The following KANSL1 variants were observed in gnomAD, a reference collection of about 807,000 sequenced individuals.
The protein encoded by KANSL1 is KAT8 regulatory NSL complex subunit 1.
A neutral mutation model predicts 103.6 loss-of-function variants in KANSL1; 22 were observed. The ratio of observed to expected loss-of-function variants is 0.21; its 90% CI spans 0.15 to 0.30. The LOEUF (loss-of-function observed/expected upper bound fraction) is 0.30. Among genes scored for constraint, KANSL1 ranks in the 10% least tolerant of loss-of-function variants. The probability of loss-of-function intolerance (pLI) is 1.00; values close to 1 mark genes in which losing one functional copy is unlikely to be tolerated. For missense variants in KANSL1, 1,337 were observed against 1,399.8 expected (o/e 0.96, Z 0.72); for synonymous variants, 600 against 527.6 (o/e 1.14, Z -1.88).
rs369274727 is a variant in KANSL1, at chr17:46,100,444, C to CAAAAAAAAAAA, written c.1290-5754_1290-5744dup. Among the ~76,000 whole-genome samples, 161 of 88,104 alleles carry CAAAAAAAAAAA rather than the reference C, an allele frequency of 1.8e-3. 4 individuals carry two copies. The highest frequency in any genetic ancestry group is 6.2e-3 in the Middle Eastern group (1 of 162). 57.8% of individuals were successfully genotyped at this position (88,104 alleles called of 152,430 possible). ...ACAACAGAGTGAGACTCCCTCTCCC[C>CAAAAAAAAAAA]AAAAAAAAAAAAAAAAAGCGCCCTC... On this transcript the variant is annotated intron_variant, in intron 2 of 14. Transcript: ENST00000432791.
intron 3 of KANSL1, among the ~76,000 whole-genome samples, chr17:46,092,669 G>T (rs973220746): frequency 4.7e-5 from 6 of 127,350 alleles, no homozygotes; most frequent in Non-Finnish European, 9.4e-5. Flanking sequence ...GTACCATAAT[G>T]TTGGTAGCGA....
chr17:46,193,780 G>C (rs1196322372), upstream of KANSL1: 2 of 171,222 alleles, frequency 1.2e-5, no homozygotes, highest in African/African-American at 4.8e-5. Context: ...CATGCCCTCC[G>C]TGCTGGGGCC....
At chr17:46,179,025 T>C (rs1456256588) in intron 1 of KANSL1, among the ~76,000 whole-genome samples, 1 of 152,206 alleles carries the variant, frequency 6.6e-6, no homozygotes, top group Non-Finnish European at 1.5e-5. Context: ...CTAACTGACA[T>C]CTCACGATGA....
chr17:46,200,686 G>A (rs1281982672), intron 1 of KANSL1, among the ~76,000 whole-genome samples: 4 of 152,162 alleles, frequency 2.6e-5, no homozygotes, highest in South Asian at 2.1e-4. Context: ...AGCTTGCAGC[G>A]AGCGGAGATC....
chr17:46,163,224 C>T, intron 2 of KANSL1, among the ~76,000 whole-genome samples: 1 of 152,234 alleles, frequency 6.6e-6, no homozygotes, highest in Admixed American at 6.5e-5. Flanking sequence ...TCCCTAGCAT[C>T]CCAGCATGTA....
intron 1 of KANSL1, among the ~76,000 whole-genome samples, chr17:46,204,111 G>A (rs1442192871): frequency 6.6e-6 from 1 of 151,994 alleles, no homozygotes; most frequent in East Asian, 1.9e-4. Context: ...GAAACCATAG[G>A]CCACTGTACT....
intron 2 of KANSL1, among the ~76,000 whole-genome samples, chr17:46,128,365 C>T (rs796747604): frequency 3.8e-4 from 58 of 152,228 alleles, no homozygotes; most frequent in African/African-American, 1.3e-3. Flanking sequence ...TTTCAAGGTA[C>T]CTTTGTTACA....
At chr17:46,107,597 G>T (rs186000043) in intron 2 of KANSL1, among the ~76,000 whole-genome samples, 81 of 152,216 alleles carry the variant, frequency 5.3e-4, no homozygotes, top group Non-Finnish European at 9.4e-4. Context: ...TTCCTTTCTA[G>T]GTGATCTTAC....
intron 2 of KANSL1, among the ~76,000 whole-genome samples, chr17:46,106,416 G>A (rs953015574): frequency 1.3e-5 from 2 of 152,100 alleles, no homozygotes; most frequent in Admixed American, 1.3e-4. Flanking sequence ...TTTTTGAGAT[G>A]GAGTCTCGCT....
Position 46,128,840 on chromosome 17 carries a change from C to T in KANSL1, c.1290-34139G>A, listed in dbSNP as rs1422239643. Among the ~76,000 whole-genome samples the T allele has an allele frequency of 2.0e-5, 3 of 152,148 alleles. No individual in the cohort carries two copies. In the East Asian group the frequency reaches 5.8e-4, roughly 29 times the overall value. The stretch of plus-strand genomic sequence containing the variant: ...GATATGGAGTTTGAATTTTAGTCTA[C>T]GTGTGACAGGAAGCCTTTGAAGAAC... On this transcript the variant is annotated intron_variant, in intron 2 of 14. Coordinates refer to ENST00000432791, the MANE Select transcript of KANSL1 (RefSeq NM_015443.4).
intron 2 of KANSL1, among the ~76,000 whole-genome samples, chr17:46,109,480 C>T (rs1292801034): frequency 1.3e-5 from 2 of 152,110 alleles, no homozygotes; most frequent in East Asian, 3.9e-4. Flanking sequence ...AATATTCTGT[C>T]ATGTTCATCA....
intron 1 of KANSL1, among the ~76,000 whole-genome samples, chr17:46,213,467 ATTTTT>A (rs748428844): frequency 1.5e-5 from 2 of 136,414 alleles, no homozygotes; most frequent in African/African-American, 5.5e-5. Flanking sequence ...CGCCCGGCTA[ATTTTT>A]TTTTTTTTTT....
At chr17:46,211,073 A>G (rs1345785860) in intron 1 of KANSL1, among the ~76,000 whole-genome samples, 1 of 152,218 alleles carries the variant, frequency 6.6e-6, no homozygotes, top group African/African-American at 2.4e-5. Flanking sequence ...CATGCGAGGA[A>G]ATGGCAGGTA....
At chr17:46,092,669 G>A (rs973220746) in intron 3 of KANSL1, among the ~76,000 whole-genome samples, 3 of 127,350 alleles carry the variant, frequency 2.4e-5, no homozygotes, top group Non-Finnish European at 3.1e-5. Context: ...GTACCATAAT[G>A]TTGGTAGCGA....
chr17:46,154,728 G>A (rs1003004726), intron 2 of KANSL1, among the ~76,000 whole-genome samples: 2 of 152,208 alleles, frequency 1.3e-5, no homozygotes, highest in African/African-American at 2.4e-5. Flanking sequence ...TTTTCTTAGA[G>A]CTGGGACAAA....
chr17:46,181,779 G>A (rs543312391), intron 1 of KANSL1, among the ~76,000 whole-genome samples: 173 of 152,142 alleles, frequency 1.1e-3, no homozygotes, highest in Non-Finnish European at 1.6e-3. Context: ...GAAACTTAAC[G>A]TCAGGGCAAG....
rs775976415 is a variant in KANSL1, at chr17:46,171,415, T to C, written c.729A>G (p.Gln243=). 5.0e-5 allele frequency: 80 copies of C among 1,614,130 alleles called. 1 individual carries two copies. In the South Asian group the frequency reaches 5.2e-4, roughly 10 times the overall value. Residue 243 remains glutamine, a synonymous_variant, in exon 2 of 15, where the codon CAA becomes CAG. Transcript: ENST00000432791. The stretch of plus-strand genomic sequence containing the variant: ...TACCAGGTGATAATCTACTGCTTCC[T>C]TGAAGTGCCGGCTGTTCCATGGAAT... ...SVNSMEQPAL[Q]GSSRLSPGTD...
At chr17:46,057,675 G>T (rs2077982910) in intron 6 of KANSL1, among the ~76,000 whole-genome samples, 1 of 152,152 alleles carries the variant, frequency 6.6e-6, no homozygotes, top group South Asian at 2.1e-4. Flanking sequence ...ACAAGGGACA[G>T]AAAAACATCA....
intron 2 of KANSL1, among the ~76,000 whole-genome samples, chr17:46,125,055 GGA>G (rs1567702505): frequency 3.8e-5 from 3 of 78,858 alleles, no homozygotes; most frequent in African/African-American, 6.5e-5. Context: ...GAGGAGGGAG[GGA>G]GGAGGGAGGG....
Sources: gnomAD v4.1 joint callset for allele counts (sites outside exome capture counted in the v4.1 genomes callset) on GRCh38, gnomAD v4.1.1 for gene constraint, MANE v1.5 for transcripts, NCBI Gene and HGNC (gene_info 2026-07-23, HGNC 2026-07-21) for gene names.